Variants in CSMD3 observed in about 807,000 individuals in gnomAD.
CSMD3 encodes the protein CUB and Sushi multiple domains 3.
Under a neutral mutation model 435.2 loss-of-function variants are expected in CSMD3, and 177 were observed. The ratio of observed to expected loss-of-function variants is 0.41; its 90% CI spans 0.36 to 0.46. The LOEUF (loss-of-function observed/expected upper bound fraction) is 0.46, where lower values mean the gene tolerates loss of function less well. CSMD3 is among the 20% of genes least tolerant of loss of function. The pLI is 0.34. For synonymous variants in CSMD3, 1,656 were observed against 1,520.5 expected (o/e 1.09, Z -2.07); for missense variants, 4,265 against 4,504.6 (o/e 0.95, Z 1.52).
intron 3 of CSMD3, among the ~76,000 whole-genome samples, chr8:113,178,928 A>G (rs1353857731): frequency 1.3e-5 from 2 of 151,804 alleles, no homozygotes; most frequent in Non-Finnish European, 2.9e-5. Context: ...TTCCTCATTA[A>G]ATATTTGGTC....
intron 4 of CSMD3, among the ~76,000 whole-genome samples, chr8:113,161,247 A>C (rs970846689): frequency 6.6e-6 from 1 of 152,132 alleles, no homozygotes; most frequent in African/African-American, 2.4e-5. Context: ...GTGTAAGAAG[A>C]ATTACCATCA....
intron 22 of CSMD3, among the ~76,000 whole-genome samples, chr8:112,626,452 T>C (rs1003249835): frequency 1.3e-5 from 2 of 152,130 alleles, no homozygotes; most frequent in African/African-American, 2.4e-5. Flanking sequence ...TAATGGCATA[T>C]ATATTTTCTA....
At chr8:112,743,146 A>G (rs2077349083) in intron 13 of CSMD3, among the ~76,000 whole-genome samples, 1 of 152,046 alleles carries the variant, frequency 6.6e-6, no homozygotes, top group Admixed American at 6.6e-5. Context: ...TTATTTGTAC[A>G]TGTAGTTGAA....
Position 112,538,692 on chromosome 8 carries a change from T to C in CSMD3, c.4564+11979A>G, listed in dbSNP as rs533676142. Among the ~76,000 whole-genome samples, 31 of 152,152 alleles carry C rather than the reference T, an allele frequency of 2.0e-4. 1 individual carries two copies. Among genetic ancestry groups the C allele is most frequent in the African/African-American group, 6.5e-4 (27 of 41,546 alleles). On this transcript the variant is annotated intron_variant, in intron 27 of 70. Coordinates refer to ENST00000297405, the MANE Select transcript of CSMD3 (RefSeq NM_198123.2). ...AATTTATAAAACACTATTAAAACAA[T>C]AGGACACAAGAAAAATGGAAAGACA... is the stretch of plus-strand genomic sequence containing the variant.
At chr8:112,856,211 C>G (rs914279117) in intron 11 of CSMD3, among the ~76,000 whole-genome samples, 3 of 151,786 alleles carry the variant, frequency 2.0e-5, no homozygotes, top group African/African-American at 7.3e-5. Flanking sequence ...CTTACAGAAG[C>G]TTGTGGAAGG....
In CSMD3 at chr8:112,921,743, G is replaced by A. The variant is rs2130632519; in HGVS notation, c.1517C>T (p.Ser506Leu). ...KRIGSDFSLG[S>L]TVQFSCDEDY... ...TTCATCACAAGAGAACTGCACAGTT[G>A]ATCCAAGGCTAAAGTTAAATAAAAG... The change falls in exon 10 of 71, where the codon TCA becomes TTA. Residue 506 changes from serine to leucine, a missense_variant. By Grantham distance (145) the Ser-to-Leu change is moderately radical. Transcript: ENST00000297405. The A allele has an allele frequency of 6.2e-7, 1 of 1,607,714 alleles. No homozygotes were observed. The highest frequency in any genetic ancestry group is 8.5e-7 in the Non-Finnish European group (1 of 1,174,584).
chr8:112,368,570 C>T (rs565446459), intron 38 of CSMD3, among the ~76,000 whole-genome samples: 1 of 152,246 alleles, frequency 6.6e-6, no homozygotes, highest in South Asian at 2.1e-4. Context: ...AGATGTTACA[C>T]AAATTTGCAG....
intron 13 of CSMD3, among the ~76,000 whole-genome samples, chr8:112,775,680 C>T (rs1161240449): frequency 2.0e-5 from 3 of 151,768 alleles, no homozygotes; most frequent in Non-Finnish European, 2.9e-5. Context: ...ATGTGACAAA[C>T]TAAAAATAAA....
At chr8:113,052,222 TA>T (rs979117074) in intron 5 of CSMD3, among the ~76,000 whole-genome samples, 8 of 152,202 alleles carry the variant, frequency 5.3e-5, no homozygotes, top group African/African-American at 1.9e-4. Flanking sequence ...TTTATTACAT[TA>T]AAATTCTGAC....
chr8:113,293,904 C>T (rs946499607), intron 2 of CSMD3, among the ~76,000 whole-genome samples: 3 of 152,036 alleles, frequency 2.0e-5, no homozygotes, highest in Non-Finnish European at 2.9e-5. Flanking sequence ...TAACTGAGTA[C>T]TACCTTACTG....
rs1447559228 is a variant in CSMD3 at position 112,843,218 on chromosome 8, A to T, written c.1756-13429T>A. 4.6e-5 allele frequency among the ~76,000 whole-genome samples: 7 copies of T among 151,814 alleles called. No individual in the cohort carries two copies. The Admixed American group carries it at 4.6e-4, about 10-fold the overall frequency. On this transcript the variant is annotated intron_variant, in intron 11 of 70. Transcript: ENST00000297405. The stretch of plus-strand genomic sequence containing the variant: ...AATGTCTCCCCTCAAAAATTCAGAT[A>T]TTATTAATGTGATAGTATTAAAGAT...
intron 3 of CSMD3, among the ~76,000 whole-genome samples, chr8:113,224,977 G>C (rs2093010220): frequency 6.6e-6 from 1 of 151,290 alleles, no homozygotes; most frequent in Admixed American, 6.6e-5. Flanking sequence ...CAGCAATTTA[G>C]AGCTAAATAA....
At chr8:113,111,614 T>C (rs1471064617) in intron 4 of CSMD3, among the ~76,000 whole-genome samples, 3 of 152,132 alleles carry the variant, frequency 2.0e-5, no homozygotes, top group East Asian at 1.9e-4. Context: ...GCGTCTACCA[T>C]TGCAGTCAAT....
At chr8:113,390,555 ACTC>A (rs2094457279) in intron 1 of CSMD3, among the ~76,000 whole-genome samples, 1 of 151,764 alleles carries the variant, frequency 6.6e-6, no homozygotes, top group South Asian at 2.1e-4. Flanking sequence ...TAGGTTGTGA[ACTC>A]CTTCAGAAGT....
intron 20 of CSMD3, 83 bp from the exon 21 acceptor site, chr8:112,638,994 GACTTT>G: frequency 1.1e-6 from 1 of 897,896 alleles, no homozygotes; most frequent in East Asian, 2.6e-5. Context: ...TATTAGCCAG[GACTTT>G]ACTTATAATT....
intron 1 of CSMD3, among the ~76,000 whole-genome samples, chr8:113,389,188 T>C (rs1030067733): frequency 2.1e-4 from 32 of 151,802 alleles, no homozygotes; most frequent in African/African-American, 6.5e-4. Flanking sequence ...CAAGAACACA[T>C]ATTCAGGACA....
chr8:113,088,906 A>G (rs905515292), intron 5 of CSMD3, among the ~76,000 whole-genome samples: 1 of 152,166 alleles, frequency 6.6e-6, no homozygotes, highest in Non-Finnish European at 1.5e-5. Flanking sequence ...CAATTCCTCC[A>G]GCAAACTGGG....
At chr8:112,862,826 C>T (rs554547327) in intron 10 of CSMD3, among the ~76,000 whole-genome samples, 86 of 152,028 alleles carry the variant, frequency 5.7e-4, no homozygotes, top group African/African-American at 2.0e-3. Flanking sequence ...CTAAATTACT[C>T]TCCAAAAGTT....
In CSMD3 at chr8:112,337,626, C is replaced by T; in HGVS notation, c.6758G>A (p.Gly2253Glu). The change falls in exon 43 of 71, where the codon GGA becomes GAA. Residue 2253 changes from glycine (G) to glutamate (E), a missense_variant. This residue lies in a region of CSMD3 where 3,255 missense variants were observed against 3,380.2 expected (regional missense o/e 0.96). Transcript: ENST00000297405. ...GQTISFECFP[G>E]YTLIGNSALT... ...AGCTGAATTTCCAATTAATGTGTAT[C>T]CTGGGAAACATTCAAATGAAATGGT... The T allele has an allele frequency of 6.2e-7, 1 of 1,613,556 alleles. No homozygotes were observed.
Sources: gnomAD v4.1 joint callset for allele counts (sites outside exome capture counted in the v4.1 genomes callset) on GRCh38, gnomAD v4.1.1 for gene constraint, gnomAD v4.1.1 regional missense constraint, MANE v1.5 for transcripts, NCBI Gene and HGNC (gene_info 2026-07-23, HGNC 2026-07-21) for gene names.